The following ZNF839 variants were observed in gnomAD, a reference collection of about 807,000 sequenced individuals.
ZNF839 encodes the protein zinc finger protein 839.
Under a neutral mutation model 56.4 loss-of-function variants are expected in ZNF839, and 38 were observed. The ratio of observed to expected loss-of-function variants is 0.67; its 90% CI spans 0.52 to 0.88. The LOEUF (loss-of-function observed/expected upper bound fraction) is 0.88. Among genes scored for constraint, ZNF839 ranks in the 40% least tolerant of loss-of-function variants. The pLI is 0.00. For synonymous variants in ZNF839, 486 were observed against 493.5 expected (o/e 0.98, Z 0.20); for missense variants, 1,091 against 1,177.6 (o/e 0.93, Z 1.08).
upstream of ZNF839, among the ~76,000 whole-genome samples, chr14:102,318,205 A>G (rs982748521): frequency 1.3e-5 from 2 of 152,250 alleles, no homozygotes; most frequent in African/African-American, 2.4e-5. Context: ...TAGTCGTGCC[A>G]GGCACGTTGT....
chr14:102,329,789 CTTTTTT>C (rs35781672), intron 2 of ZNF839, among the ~76,000 whole-genome samples: 1 of 102,110 alleles, frequency 9.8e-6, no homozygotes, highest in African/African-American at 4.6e-5. Flanking sequence ...TAGAGATAAC[CTTTTTT>C]TTTTTTTTTT....
intron 1 of ZNF839, among the ~76,000 whole-genome samples, chr14:102,324,786 TA>T (rs2073319843): frequency 6.6e-6 from 1 of 151,916 alleles, no homozygotes; most frequent in East Asian, 2.0e-4. Flanking sequence ...CTGTCTCTAC[TA>T]AAAATACAAA....
chr14:102,325,493 T>G (rs1187655469), intron 1 of ZNF839, among the ~76,000 whole-genome samples: 1 of 152,038 alleles, frequency 6.6e-6, no homozygotes, highest in Non-Finnish European at 1.5e-5. Context: ...CATTGTGGTC[T>G]CTGTTTTTGT....
rs201952805 is a variant in ZNF839 at position 102,341,416 on chromosome 14, C to T, written c.2021C>T (p.Ala674Val). 1.7e-5 allele frequency: 27 copies of T among 1,584,728 alleles called. No individual in the cohort carries two copies. The highest frequency in any genetic ancestry group is 1.5e-4 in the Admixed American group (8 of 54,724). The change falls in exon 8 of 8, where the codon GCG (alanine) becomes GTG (valine). Residue 674 changes from alanine to valine, a missense_variant. Transcript: ENST00000442396. The stretch of plus-strand genomic sequence containing the variant: ...GGTGGCAATGGGAGCGTGTTCCAGG[C>T]GGGCCCGCAGCTTCAGGCACTGGCT... ...VSGGNGSVFQ[A>V]GPQLQALANL...
rs145584504 is a variant in ZNF839, at chr14:102,331,341, C to G, written c.1192-281C>G. On this transcript the variant is annotated intron_variant, in intron 2 of 7. Coordinates refer to ENST00000442396, the MANE Select transcript of ZNF839 (RefSeq NM_018335.6). The stretch of plus-strand genomic sequence containing the variant: ...TTGGCTCACTGCAACCTCTGCCTCC[C>G]AGGTTCAGGTGATTCTCCTGCTTCA... Among the ~76,000 whole-genome samples the G allele has an allele frequency of 3.3e-3, 507 of 152,264 alleles. 8 individuals are homozygous for G. Among genetic ancestry groups the G allele is most frequent in the East Asian group, 0.033 (168 of 5,158 alleles).
chr14:102,331,725 C>G lies in ZNF839; in HGVS notation c.1295C>G (p.Ser432Ter). The G allele has an allele frequency of 6.2e-7, 1 of 1,608,454 alleles. No homozygotes were observed. The highest frequency in any genetic ancestry group is 1.3e-5 in the African/African-American group (1 of 74,964). ...CAAGGACCTAGAAGACGCGCATGCT[C>G]AGAGACCCTTGCAGAGTCCCGCACA... Reference protein sequence around the residue: ...RYQGPRRRACSETLAESRTAV... With the variant: ...RYQGPRRRAC Residue 432 changes from serine to a stop codon, truncating the protein, a stop_gained, in exon 3 of 8, where the codon TCA (serine) becomes TGA (stop). Coordinates refer to ENST00000442396, the MANE Select transcript of ZNF839 (RefSeq NM_018335.6). LOFTEE classifies it high-confidence loss of function.
chr14:102,318,992 T>A (rs531243717), upstream of ZNF839, among the ~76,000 whole-genome samples: 1 of 152,270 alleles, frequency 6.6e-6, no homozygotes, highest in Admixed American at 6.5e-5. Context: ...GGGACATGTG[T>A]ACACACCTGC....
At chr14:102,320,684 C>T (rs1204475761) in intron 1 of ZNF839, among the ~76,000 whole-genome samples, 2 of 152,168 alleles carry the variant, frequency 1.3e-5, no homozygotes, top group African/African-American at 2.4e-5. Flanking sequence ...ACCGCAGTAC[C>T]CAGCACAGTG....
rs974067443 is a variant in ZNF839 at position 102,332,166 on chromosome 14, A to G, written c.1416+320A>G. On this transcript the variant is annotated intron_variant, in intron 3 of 7. Coordinates refer to ENST00000442396, the MANE Select transcript of ZNF839 (RefSeq NM_018335.6). This position sits in a 1 kb window ranked among gnomAD's most constrained non-coding sequence, Gnocchi z 4.9. ...TCTTTTTTTTTAGACGGAGTCTCACACTGTCATCCAGGCTGGAGTGCAGTG... is the reference window on the plus strand; with the variant it reads ...TCTTTTTTTTTAGACGGAGTCTCACGCTGTCATCCAGGCTGGAGTGCAGTG... 1.1e-4 allele frequency among the ~76,000 whole-genome samples: 16 copies of G among 151,898 alleles called. No homozygotes were observed. The highest frequency in any genetic ancestry group is 6.6e-5 in the Admixed American group (1 of 15,252).
At position 102,332,259 on chromosome 14, in the gene ZNF839, G is replaced by A. The variant is rs1402634552; in HGVS notation, c.1416+413G>A. Among the ~76,000 whole-genome samples, 1 of 151,936 alleles carries A rather than the reference G, an allele frequency of 6.6e-6. No individual in the cohort carries two copies. The highest frequency in any genetic ancestry group is 1.5e-5 in the Non-Finnish European group (1 of 67,998). The stretch of plus-strand genomic sequence containing the variant: ...AGCGATTCTCCTTCCTTAGCCTCCT[G>A]GGTAGCTTGGATTACAAGCGCCTGC... On this transcript the variant is annotated intron_variant, in intron 3 of 7. Coordinates refer to ENST00000442396, the MANE Select transcript of ZNF839 (RefSeq NM_018335.6). This position sits in a 1 kb window ranked among gnomAD's most constrained non-coding sequence, Gnocchi z 4.9.
intron 2 of ZNF839, among the ~76,000 whole-genome samples, chr14:102,330,718 G>C (rs1017095053): frequency 6.6e-6 from 1 of 150,766 alleles, no homozygotes; most frequent in African/African-American, 2.4e-5. Context: ...GGGTTTCACC[G>C]TGTTGTCTAG....
At position 102,326,001 on chromosome 14, in the gene ZNF839, G is replaced by C. The variant is rs770529316; in HGVS notation, c.305G>C (p.Cys102Ser). 2 of 1,612,526 alleles carry C rather than the reference G, an allele frequency of 1.2e-6. No individual in the cohort carries two copies. Residue 102 changes from cysteine (C) to serine (S), a missense_variant, in exon 2 of 8, where the codon TGT becomes TCT. Cys to Ser is a moderately radical substitution (Grantham distance 112). This residue lies in a region of ZNF839 where 614 missense variants were observed against 629.2 expected (regional missense o/e 0.98). Coordinates refer to ENST00000442396, the MANE Select transcript of ZNF839 (RefSeq NM_018335.6). This position sits in a 1 kb window ranked among gnomAD's most constrained non-coding sequence, Gnocchi z 4.3. ...LLPPQQLEAICVKVTSGETKG... is the reference protein window; with the variant it reads ...LLPPQQLEAISVKVTSGETKG... ...GTACGTAAGCAACTAGAAGCCATTT[G>C]TGTCAAGGTAACGTCTGGAGAAACA...
intron 1 of ZNF839, among the ~76,000 whole-genome samples, chr14:102,322,650 G>A (rs748073318): frequency 4.2e-4 from 64 of 151,962 alleles, no homozygotes; most frequent in Non-Finnish European, 1.2e-4. Context: ...CTACAGCCTC[G>A]AACTCCCAGG....
chr14:102,322,930 G>A (rs143644400), intron 1 of ZNF839, among the ~76,000 whole-genome samples: 2 of 152,352 alleles, frequency 1.3e-5, no homozygotes, highest in Non-Finnish European at 2.9e-5. Context: ...AAGTAGCCCA[G>A]GAGTCGGGGA....
intron 2 of ZNF839, among the ~76,000 whole-genome samples, chr14:102,330,326 G>A (rs2073711557): frequency 6.6e-6 from 1 of 151,814 alleles, no homozygotes; most frequent in Admixed American, 6.6e-5. Flanking sequence ...TCTGCCTCCT[G>A]GGTTCAAGGG....
rs761136954 is a variant in ZNF839, at chr14:102,319,920, AGCC to A, written c.171_173del (p.Pro59del). 4.6e-4 allele frequency: 511 copies of A among 1,117,894 alleles called. No homozygotes were observed. Among genetic ancestry groups the A allele is most frequent in the South Asian group, 2.9e-3 (109 of 37,322 alleles). The allele number at this position is 1,117,894 out of a possible 1,614,324, so 69.2% of individuals were successfully genotyped here. On this transcript the variant is annotated inframe_deletion, in exon 1 of 8. Coordinates refer to ENST00000442396, the MANE Select transcript of ZNF839 (RefSeq NM_018335.6). This position sits in a 1 kb window ranked among gnomAD's most constrained non-coding sequence, Gnocchi z 4.5. Reference sequence around the variant, plus strand: ...GTCCTGGAGCAGGTGACGAAGGCGCAGCCGCCGCCGCCGCCGCCCCCCTTCGTG... The same window carrying A: ...GTCCTGGAGCAGGTGACGAAGGCGCAGCCGCCGCCGCCGCCCCCCTTCGTG...
chr14:102,324,711 G>A (rs1003295059), intron 1 of ZNF839, among the ~76,000 whole-genome samples: 2 of 150,982 alleles, frequency 1.3e-5, no homozygotes, highest in Non-Finnish European at 3.0e-5. Context: ...AAAGCCAGCC[G>A]GGTGTGGTGA....
intron 1 of ZNF839, 150 bp from the exon 2 acceptor site, chr14:102,325,835 C>T: frequency 1.1e-6 from 1 of 939,174 alleles, no homozygotes. Flanking sequence ...CTGGAAAATA[C>T]CACCTTAGTA....
At chr14:102,339,730 C>G (rs780746445) in intron 7 of ZNF839, among the ~76,000 whole-genome samples, 25 of 151,332 alleles carry the variant, frequency 1.7e-4, no homozygotes, top group Non-Finnish European at 3.2e-4. Flanking sequence ...GCCTGGGTAA[C>G]AGAGTGAGAC....
Sources: allele counts gnomAD v4.1 joint callset (sites outside exome capture counted in the v4.1 genomes callset), GRCh38; gene constraint gnomAD v4.1.1; regional missense constraint gnomAD v4.1.1; non-coding constraint Gnocchi (gnomAD v3.1); transcripts MANE v1.5; gene names NCBI Gene and HGNC (gene_info 2026-07-23, HGNC 2026-07-21).